The following SDK1 variants were observed in gnomAD, a reference collection of about 807,000 sequenced individuals.
SDK1 encodes protein sidekick-1.
A neutral mutation model predicts 245.5 loss-of-function variants in SDK1; 157 were observed. That is an observed-to-expected ratio of 0.64 (90% confidence interval 0.56 to 0.73). SDK1 has a LOEUF of 0.73. Among genes scored for constraint, SDK1 ranks in the 30% least tolerant of loss-of-function variants. SDK1 has a pLI of 0.00. For synonymous variants in SDK1, 1,647 were observed against 1,278.5 expected (o/e 1.29, Z -6.15); for missense variants, 3,583 against 3,002.3 (o/e 1.19, Z -4.52).
chr7:4,167,355 A>G lies in SDK1; in HGVS notation c.4800+5499A>G, dbSNP rs113863504. On this transcript the variant is annotated intron_variant, in intron 32 of 44. Coordinates refer to ENST00000404826, the MANE Select transcript of SDK1 (RefSeq NM_152744.4). ...ACCCAGGAGGTTGCAGTGAGCCAAGATCACACCACTGCACTCCAGCCTGGC... is the reference window on the plus strand; with the variant it reads ...ACCCAGGAGGTTGCAGTGAGCCAAGGTCACACCACTGCACTCCAGCCTGGC... Among the ~76,000 whole-genome samples, 505 of 152,284 alleles carry G rather than the reference A, an allele frequency of 3.3e-3. 3 individuals are homozygous for G. The highest frequency in any genetic ancestry group is 0.011 in the African/African-American group (446 of 41,556).
intron 14 of SDK1, among the ~76,000 whole-genome samples, chr7:4,008,528 G>GT (rs1163752746): frequency 1.3e-5 from 2 of 152,210 alleles, no homozygotes; most frequent in African/African-American, 4.8e-5. Flanking sequence ...ACTAATCCCG[G>GT]TTGGCTGAAC....
At chr7:3,723,166 G>C (rs540404671) in intron 4 of SDK1, among the ~76,000 whole-genome samples, 1 of 152,196 alleles carries the variant, frequency 6.6e-6, no homozygotes, top group East Asian at 1.9e-4. Context: ...AAAGGCTTCT[G>C]TACTCAAAAT....
Position 4,267,691 on chromosome 7 carries a change from G to C in SDK1, c.*2307G>C. The C allele has an allele frequency of 6.1e-6, 6 of 985,466 alleles. No individual in the cohort carries two copies. Among genetic ancestry groups the C allele is most frequent in the Non-Finnish European group, 7.2e-6 (6 of 829,946 alleles). 61.0% of individuals were successfully genotyped at this position (985,466 alleles called of 1,614,324 possible). A position where few individuals can be genotyped will look rare whatever the true frequency, so the allele number is the denominator to read the frequency against. On this transcript the variant is annotated 3_prime_UTR_variant, in exon 45 of 45. Coordinates refer to ENST00000404826, the MANE Select transcript of SDK1 (RefSeq NM_152744.4). ...TCTTAGGTTGAGGATGAGCAGATTC[G>C]AGATATGTTTGTTGCTCTCGGGTTT...
chr7:3,817,166 G>A (rs1003337987), intron 4 of SDK1, among the ~76,000 whole-genome samples: 2 of 152,188 alleles, frequency 1.3e-5, no homozygotes, highest in Non-Finnish European at 2.9e-5. Flanking sequence ...GGAAGCCAAC[G>A]GATGGGTTAC....
At chr7:3,859,979 G>T (rs182355704) in intron 5 of SDK1, among the ~76,000 whole-genome samples, 2 of 151,796 alleles carry the variant, frequency 1.3e-5, no homozygotes, top group Non-Finnish European at 2.9e-5. Flanking sequence ...GAGTGCAGTG[G>T]CATGATCTTG....
At chr7:3,413,512 T>C (rs1255110403) in intron 1 of SDK1, among the ~76,000 whole-genome samples, 6 of 151,806 alleles carry the variant, frequency 4.0e-5, no homozygotes, top group Non-Finnish European at 8.8e-5. Context: ...CTGGCCAACA[T>C]AGTGAAACTC....
intron 1 of SDK1, among the ~76,000 whole-genome samples, chr7:3,589,249 A>C (rs547613778): frequency 6.6e-6 from 1 of 152,270 alleles, no homozygotes; most frequent in South Asian, 2.1e-4. Context: ...TACTGATCTC[A>C]CAGGTGGTGT....
At chr7:4,227,944 C>T (rs543641973) in intron 40 of SDK1, among the ~76,000 whole-genome samples, 11 of 152,288 alleles carry the variant, frequency 7.2e-5, no homozygotes, top group African/African-American at 2.2e-4. Context: ...TGGAGACAAG[C>T]ATGGATGGAT....
At chr7:3,764,722 A>G (rs1371418658) in intron 4 of SDK1, among the ~76,000 whole-genome samples, 1 of 152,062 alleles carries the variant, frequency 6.6e-6, no homozygotes, top group Non-Finnish European at 1.5e-5. Flanking sequence ...CATCCTAAAC[A>G]TACAATTTAA....
At chr7:3,531,485 G>C (rs1199835893) in intron 1 of SDK1, among the ~76,000 whole-genome samples, 2 of 152,092 alleles carry the variant, frequency 1.3e-5, no homozygotes, top group African/African-American at 4.8e-5. Flanking sequence ...TGAGACCCCA[G>C]TTTTCCCAGC....
chr7:3,871,062 C>G (rs1780943900), intron 5 of SDK1, among the ~76,000 whole-genome samples: 1 of 152,098 alleles, frequency 6.6e-6, no homozygotes, highest in Non-Finnish European at 1.5e-5. Flanking sequence ...TTATTTCGGT[C>G]ATCTGATCTT....
At chr7:3,728,157 A>C (rs1453238415) in intron 4 of SDK1, among the ~76,000 whole-genome samples, 1 of 152,236 alleles carries the variant, frequency 6.6e-6, no homozygotes, top group South Asian at 2.1e-4. Flanking sequence ...TGCCATCAGC[A>C]TGGCGTGTCA....
At chr7:3,720,396 A>G (rs993010171) in intron 4 of SDK1, among the ~76,000 whole-genome samples, 3 of 152,218 alleles carry the variant, frequency 2.0e-5, no homozygotes, top group Admixed American at 2.0e-4. Context: ...AACATTAAAA[A>G]CCTATCAGAA....
At chr7:3,410,111 TAA>T (rs1467287287) in intron 1 of SDK1, among the ~76,000 whole-genome samples, 1 of 152,196 alleles carries the variant, frequency 6.6e-6, no homozygotes, top group Non-Finnish European at 1.5e-5. Flanking sequence ...AAGTAATACT[TAA>T]GTGTTATCAT....
chr7:3,355,153 A>G (rs1323513920), intron 1 of SDK1, among the ~76,000 whole-genome samples: 1 of 152,224 alleles, frequency 6.6e-6, no homozygotes, highest in Non-Finnish European at 1.5e-5. Context: ...TGTTAAAGTA[A>G]TTGAAGATTT....
intron 40 of SDK1, chr7:4,227,345 G>A: frequency 2.1e-6 from 1 of 470,146 alleles, no homozygotes; most frequent in Non-Finnish European, 4.4e-6. Context: ...CCTGGGATCA[G>A]CCTGCAACAC....
chr7:4,081,457 G>T (rs896155560), intron 22 of SDK1, among the ~76,000 whole-genome samples: 1 of 150,516 alleles, frequency 6.6e-6, no homozygotes, highest in Admixed American at 6.6e-5. Context: ...ATCTTGCTCT[G>T]TCGCCAAGCT....
chr7:3,640,571 G>A (rs912206872), intron 3 of SDK1, among the ~76,000 whole-genome samples: 3 of 152,170 alleles, frequency 2.0e-5, no homozygotes, highest in African/African-American at 4.8e-5. Flanking sequence ...GAGTGAAGAC[G>A]AATACCTAAA....
intron 2 of SDK1, among the ~76,000 whole-genome samples, chr7:3,631,562 A>G (rs1218280339): frequency 6.6e-6 from 1 of 152,204 alleles, no homozygotes; most frequent in Non-Finnish European, 1.5e-5. Context: ...TTAGATCCAT[A>G]ATATTAATGC....
Sources: gnomAD v4.1 joint callset for allele counts (sites outside exome capture counted in the v4.1 genomes callset) on GRCh38, gnomAD v4.1.1 for gene constraint, MANE v1.5 for transcripts, NCBI Gene and HGNC (gene_info 2026-07-23, HGNC 2026-07-21) for gene names.